The following CAST variants were observed in gnomAD, a reference collection of about 807,000 sequenced individuals.
The protein encoded by CAST is MIR583 host.
CAST carries 76 observed loss-of-function variants against 119.6 expected under a neutral mutation model. The ratio of observed to expected loss-of-function variants is 0.64; its 90% CI spans 0.53 to 0.77. The LOEUF (loss-of-function observed/expected upper bound fraction) is 0.77, where lower values mean the gene tolerates loss of function less well. Among genes scored for constraint, CAST ranks in the 30% least tolerant of loss-of-function variants. CAST has a pLI of 0.00. For missense variants in CAST, 953 were observed against 946.5 expected (o/e 1.01, Z -0.09); for synonymous variants, 319 against 331.6 (o/e 0.96, Z 0.41).
chr5:96,526,180 A>G (rs1391642603), upstream of CAST, among the ~76,000 whole-genome samples: 1 of 152,226 alleles, frequency 6.6e-6, no homozygotes, highest in South Asian at 2.1e-4. Context: ...AACAGGAGAA[A>G]AATAATTTTA....
chr5:96,082,145 C>T, the CAST span, among the ~76,000 whole-genome samples: 2 of 152,186 alleles, frequency 1.3e-5, no homozygotes, highest in Non-Finnish European at 2.9e-5. Flanking sequence ...AACTCTTGAC[C>T]TCATGATCTG....
the CAST span, among the ~76,000 whole-genome samples, chr5:96,036,244 G>T: frequency 1.3e-5 from 2 of 151,996 alleles, no homozygotes; most frequent in South Asian, 4.1e-4. Flanking sequence ...AGAGGTGGGA[G>T]TGAGACTATT....
At chr5:96,181,847 T>C in the CAST span, among the ~76,000 whole-genome samples, 1 of 152,218 alleles carries the variant, frequency 6.6e-6, no homozygotes, top group Admixed American at 6.5e-5. Context: ...ATAGATGAGT[T>C]AGAGGTTATT....
At chr5:96,583,971 G>T (rs1006352038) in intron 1 of CAST, among the ~76,000 whole-genome samples, 3 of 152,230 alleles carry the variant, frequency 2.0e-5, no homozygotes, top group Non-Finnish European at 2.9e-5. Context: ...TCTCATAGAC[G>T]CCAAGATTTA....
At chr5:95,988,655 C>G in the CAST span, among the ~76,000 whole-genome samples, 1 of 152,146 alleles carries the variant, frequency 6.6e-6, no homozygotes, top group Non-Finnish European at 1.5e-5. Flanking sequence ...TTTGCTATAG[C>G]TAACTGATGT....
At chr5:96,282,158 ATG>A in the CAST span, among the ~76,000 whole-genome samples, 1 of 109,468 alleles carries the variant, frequency 9.1e-6, no homozygotes, top group African/African-American at 3.6e-5. Context: ...GAGAAAAGCT[ATG>A]TGTGTGTTGG....
intron 24 of CAST, chr5:96,761,950 C>G (rs1324378332): frequency 5.5e-6 from 1 of 180,388 alleles, no homozygotes; most frequent in East Asian, 1.4e-4. Flanking sequence ...TTATTCAGAG[C>G]AATTTTAAAA....
chr5:96,397,598 C>G, the CAST span: 479 of 817,198 alleles, frequency 5.9e-4, no homozygotes, highest in African/African-American at 7.1e-3. Context: ...AGTATAAGAC[C>G]AGGATAGAGA....
In CAST at chr5:96,737,861, G is replaced by A. The variant is rs1347197059; in HGVS notation, c.712G>A (p.Ala238Thr). Residue 238 changes from alanine (A) to threonine (T), a missense_variant, in exon 11 of 32, where the codon GCT (alanine) becomes ACT (threonine). Transcript: ENST00000675179. ...CTTTCTTTTCCAGTCAGGCATGGAT[G>A]CTGCTTTGGATGACTTAATAGATAC... is the stretch of plus-strand genomic sequence containing the variant. ...DKPSGKSGMD[A>T]ALDDLIDTLG... 46 of 1,585,872 alleles carry A rather than the reference G, an allele frequency of 2.9e-5. No individual in the cohort carries two copies. Among genetic ancestry groups the A allele is most frequent in the Non-Finnish European group, 3.8e-5 (44 of 1,155,170 alleles).
the CAST span, chr5:96,392,602 A>G: frequency 4.9e-6 from 1 of 205,394 alleles, no homozygotes; most frequent in Non-Finnish European, 9.9e-6. Flanking sequence ...AGCTACAGAA[A>G]CAGTTTCTGA....
At chr5:96,338,069 G>A in the CAST span, among the ~76,000 whole-genome samples, 1 of 152,144 alleles carries the variant, frequency 6.6e-6, no homozygotes, top group African/African-American at 2.4e-5. Context: ...GGAGTAAATA[G>A]ACTTGACTTT....
the CAST span, among the ~76,000 whole-genome samples, chr5:96,030,626 G>C: frequency 6.6e-6 from 1 of 152,152 alleles, no homozygotes; most frequent in African/African-American, 2.4e-5. Flanking sequence ...AAGAATACCA[G>C]ATGCCTGGGG....
chr5:96,492,541 T>C, the CAST span, among the ~76,000 whole-genome samples: 17 of 152,238 alleles, frequency 1.1e-4, 1 homozygote, highest in Admixed American at 1.1e-3. Flanking sequence ...TTCGCTTACA[T>C]AGGAAAGCTC....
the CAST span, among the ~76,000 whole-genome samples, chr5:96,158,662 A>G: frequency 6.6e-6 from 1 of 152,212 alleles, no homozygotes; most frequent in South Asian, 2.1e-4. Context: ...CATATTTGAC[A>G]CTTTATTTGT....
the CAST span, among the ~76,000 whole-genome samples, chr5:96,191,387 A>G: frequency 6.6e-6 from 1 of 152,234 alleles, no homozygotes; most frequent in Non-Finnish European, 1.5e-5. Flanking sequence ...CAGTCCTAAC[A>G]ATAACAGTAA....
At chr5:96,089,201 C>G in the CAST span, among the ~76,000 whole-genome samples, 1 of 150,118 alleles carries the variant, frequency 6.7e-6, no homozygotes, top group Non-Finnish European at 1.5e-5. Context: ...CTTTTAAACA[C>G]AGAATGCAAC....
the CAST span, among the ~76,000 whole-genome samples, chr5:96,509,537 C>T: frequency 6.6e-6 from 1 of 152,126 alleles, no homozygotes; most frequent in Non-Finnish European, 1.5e-5. Context: ...ATGCTTTGAG[C>T]TCTGGTGCTT....
the CAST span, among the ~76,000 whole-genome samples, chr5:96,011,757 C>T: frequency 2.0e-5 from 3 of 152,166 alleles, no homozygotes; most frequent in South Asian, 2.1e-4. Flanking sequence ...TTTTTCAAGC[C>T]GGTGGGACTA....
chr5:96,109,144 A>T, the CAST span, among the ~76,000 whole-genome samples: 3 of 152,206 alleles, frequency 2.0e-5, no homozygotes, highest in South Asian at 4.1e-4. Flanking sequence ...TATTGAGATG[A>T]ACCCGGTACC....
Sources: allele counts gnomAD v4.1 joint callset (sites outside exome capture counted in the v4.1 genomes callset), GRCh38; gene constraint gnomAD v4.1.1; transcripts MANE v1.5; gene names NCBI Gene and HGNC (gene_info 2026-07-23, HGNC 2026-07-21).